Variants in MAST4 observed in about 807,000 individuals in gnomAD.
MAST4 encodes the protein microtubule-associated serine/threonine-protein kinase 4.
A neutral mutation model predicts 162.7 loss-of-function variants in MAST4; 89 were observed. The ratio of observed to expected loss-of-function variants is 0.55; its 90% CI spans 0.46 to 0.65. The LOEUF (loss-of-function observed/expected upper bound fraction) is 0.65, where lower values mean the gene tolerates loss of function less well. Among genes scored for constraint, MAST4 ranks in the 30% least tolerant of loss-of-function variants. The pLI is 0.00. For synonymous variants in MAST4, 1,479 were observed against 1,361.1 expected, an observed-to-expected ratio of 1.09 and a Z score of -1.91; for missense variants, 3,153 against 3,374.0, an observed-to-expected ratio of 0.93 and a Z score of 1.62.
intron 4 of MAST4, among the ~76,000 whole-genome samples, chr5:66,971,942 T>C (rs1271502926): frequency 6.6e-6 from 1 of 152,072 alleles, no homozygotes; most frequent in African/African-American, 2.4e-5. Context: ...GAGCATAAGA[T>C]GGTGATGATA....
chr5:66,724,943 C>T (rs2149544801), intron 1 of MAST4, among the ~76,000 whole-genome samples: 2 of 152,078 alleles, frequency 1.3e-5, no homozygotes, highest in Middle Eastern at 6.8e-3. Flanking sequence ...AGGCCACAGC[C>T]ATCCCTTTGT....
intron 4 of MAST4, chr5:66,902,778 G>A (rs1045106711): frequency 1.8e-5 from 8 of 442,240 alleles, no homozygotes; most frequent in African/African-American, 1.7e-4. Flanking sequence ...CAGCTTCCTA[G>A]ACAGCTGGAT....
chr5:66,909,433 G>A (rs900693222), intron 4 of MAST4, among the ~76,000 whole-genome samples: 16 of 152,198 alleles, frequency 1.1e-4, no homozygotes, highest in African/African-American at 7.2e-5. Flanking sequence ...AGAATAATGC[G>A]GTGTATTATA....
At chr5:66,958,037 G>A (rs1745529018) in intron 4 of MAST4, among the ~76,000 whole-genome samples, 1 of 151,584 alleles carries the variant, frequency 6.6e-6, no homozygotes, top group Non-Finnish European at 1.5e-5. Flanking sequence ...AAAAGACAGA[G>A]TTTGACTTCA....
intron 1 of MAST4, among the ~76,000 whole-genome samples, chr5:66,746,837 A>G (rs928071790): frequency 2.0e-5 from 3 of 152,072 alleles, no homozygotes; most frequent in African/African-American, 4.8e-5. Context: ...TCAAATTAGT[A>G]TTTTCCGTGT....
At chr5:67,123,473 T>TTA (rs1179985819) in intron 14 of MAST4, among the ~76,000 whole-genome samples, 1 of 152,200 alleles carries the variant, frequency 6.6e-6, no homozygotes, top group Non-Finnish European at 1.5e-5. Flanking sequence ...GCTGGTTTCT[T>TTA]TATATATATT....
Position 67,166,654 on chromosome 5 carries a change from T to C in MAST4, c.7475T>C (p.Leu2492Pro). Reference protein sequence around the residue: ...TSSAKAAGGMLELPAPSNRDH... With the variant: ...TSSAKAAGGMPELPAPSNRDH... Reference sequence around the variant, plus strand: ...TCTGCCAAGGCCGCCGGGGGCATGCTGGAGCTTCCAGCCCCCAGCAACAGG... The same window carrying C: ...TCTGCCAAGGCCGCCGGGGGCATGCCGGAGCTTCCAGCCCCCAGCAACAGG... The change falls in exon 29 of 29, where the codon CTG (leucine) becomes CCG (proline). Residue 2492 changes from leucine (L) to proline (P), a missense_variant. Leu to Pro is a moderately conservative substitution (Grantham distance 98, BLOSUM62 -3). Around this residue, in one of 7 missense-constraint regions of MAST4, gnomAD observed 1,644 missense variants for 1,495.0 expected, o/e 1.10. Coordinates refer to ENST00000403625, the MANE Select transcript of MAST4 (RefSeq NM_001164664.2). The C allele has an allele frequency of 6.3e-7, 1 of 1,599,010 alleles. No individual in the cohort carries two copies. Among genetic ancestry groups the C allele is most frequent in the Non-Finnish European group, 8.5e-7 (1 of 1,173,058 alleles).
At chr5:67,160,392 A>G in intron 26 of MAST4, 64 bp from the exon 27 acceptor site, 9 of 1,443,644 alleles carry the variant, frequency 6.2e-6, no homozygotes, top group African/African-American at 1.4e-5. Flanking sequence ...TGAATCTCTC[A>G]TCTCTGTTCT....
At chr5:67,099,235 G>T (rs1048296356) in intron 7 of MAST4, among the ~76,000 whole-genome samples, 1 of 151,392 alleles carries the variant, frequency 6.6e-6, no homozygotes, top group Non-Finnish European at 1.5e-5. Context: ...TTTTTTCTTA[G>T]TGAGAAGTGT....
At chr5:66,971,326 C>T (rs554731476) in intron 4 of MAST4, among the ~76,000 whole-genome samples, 36 of 152,196 alleles carry the variant, frequency 2.4e-4, no homozygotes, top group African/African-American at 7.0e-4. Flanking sequence ...GAAATCAGGC[C>T]GTGGGCCCCA....
intron 16 of MAST4, 62 bp from the exon 17 acceptor site, chr5:67,133,452 A>T: frequency 6.4e-7 from 1 of 1,568,892 alleles, no homozygotes; most frequent in Non-Finnish European, 8.7e-7. Flanking sequence ...GAAGGGAGGA[A>T]ATGAAAATAG....
chr5:66,924,467 C>T (rs1007435441), intron 4 of MAST4, among the ~76,000 whole-genome samples: 1 of 151,252 alleles, frequency 6.6e-6, no homozygotes, highest in African/African-American at 2.4e-5. Flanking sequence ...GATCTCGGCT[C>T]GCTGCAAGCT....
chr5:66,964,157 A>G (rs1746361184), intron 4 of MAST4: 3 of 437,250 alleles, frequency 6.9e-6, no homozygotes, highest in Admixed American at 5.7e-5. Flanking sequence ...GCCTCAAACT[A>G]TTTTATACAC....
At chr5:66,975,788 G>C (rs1302738962) in intron 4 of MAST4, among the ~76,000 whole-genome samples, 1 of 152,152 alleles carries the variant, frequency 6.6e-6, no homozygotes, top group Non-Finnish European at 1.5e-5. Flanking sequence ...GAGGTCAGGA[G>C]TTCAAGACCA....
chr5:66,974,118 C>T (rs1747815061), intron 4 of MAST4, among the ~76,000 whole-genome samples: 2 of 152,192 alleles, frequency 1.3e-5, no homozygotes, highest in Non-Finnish European at 2.9e-5. Flanking sequence ...CTTCCCCGGC[C>T]ACTCTATGAG....
intron 27 of MAST4, among the ~76,000 whole-genome samples, chr5:67,162,187 G>T (rs149196656): frequency 6.6e-6 from 1 of 152,256 alleles, no homozygotes; most frequent in Non-Finnish European, 1.5e-5. Flanking sequence ...CACCATTAAA[G>T]AATTTGATTT....
chr5:66,919,121 C>T (rs1333167287), intron 4 of MAST4, among the ~76,000 whole-genome samples: 1 of 151,424 alleles, frequency 6.6e-6, no homozygotes, highest in Non-Finnish European at 1.5e-5. Flanking sequence ...CACACACACA[C>T]ACACACACAC....
chr5:66,910,729 G>GTTTTTTT (rs796681892), intron 4 of MAST4, among the ~76,000 whole-genome samples: 25 of 112,804 alleles, frequency 2.2e-4, no homozygotes, highest in African/African-American at 6.5e-4. Context: ...TACACATGTG[G>GTTTTTTT]TTTTTTTTTT....
In MAST4 at chr5:66,710,941, C is replaced by T. The variant is rs545787827; in HGVS notation, c.364-48768C>T. Among the ~76,000 whole-genome samples, 12 of 152,228 alleles carry T rather than the reference C, an allele frequency of 7.9e-5. 1 individual carries two copies. Among genetic ancestry groups the T allele is most frequent in the South Asian group, 6.2e-4 (3 of 4,818 alleles). ...TGAATTTTCTCAAAGTGAATATGCC[C>T]GTGTAACCAGCACCCATATTAAGAA... is the stretch of plus-strand genomic sequence containing the variant. On this transcript the variant is annotated intron_variant, in intron 1 of 28. Coordinates refer to ENST00000403625, the MANE Select transcript of MAST4 (RefSeq NM_001164664.2).
Sources: gnomAD v4.1 joint callset for allele counts (sites outside exome capture counted in the v4.1 genomes callset) on GRCh38, gnomAD v4.1.1 for gene constraint, gnomAD v4.1.1 regional missense constraint, MANE v1.5 for transcripts, NCBI Gene and HGNC (gene_info 2026-07-23, HGNC 2026-07-21) for gene names.